The following CLSTN2 variants were observed in gnomAD, a reference collection of about 807,000 sequenced individuals.
CLSTN2 encodes calsyntenin-2.
Under a neutral mutation model 101.2 loss-of-function variants are expected in CLSTN2, and 48 were observed. The ratio of observed to expected loss-of-function variants is 0.47; its 90% CI spans 0.38 to 0.60. The LOEUF (loss-of-function observed/expected upper bound fraction) is 0.60, where lower values mean the gene tolerates loss of function less well. CLSTN2 is among the 20% of genes least tolerant of loss of function. The probability of loss-of-function intolerance (pLI) is 0.00; values close to 1 mark genes in which losing one functional copy is unlikely to be tolerated. For missense variants in CLSTN2, 1,160 were observed against 1,238.2 expected (o/e 0.94, Z 0.95); for synonymous variants, 481 against 463.6 (o/e 1.04, Z -0.48).
chr3:140,045,801 G>A (rs144994851), intron 1 of CLSTN2, among the ~76,000 whole-genome samples: 77 of 152,374 alleles, frequency 5.1e-4, no homozygotes, highest in African/African-American at 1.8e-3. Context: ...AGAGCAGGTT[G>A]TTCAGTTTCC....
intron 1 of CLSTN2, among the ~76,000 whole-genome samples, chr3:139,984,149 C>G (rs1426036): frequency 0.62 from 94,243 of 152,008 alleles, 31,109 homozygotes; most frequent in Non-Finnish European, 0.73. Context: ...GTAAGAGGGA[C>G]CTTGTGTTTG....
chr3:140,461,950 A>T (rs566037412), intron 7 of CLSTN2, among the ~76,000 whole-genome samples: 1 of 149,814 alleles, frequency 6.7e-6, no homozygotes, highest in South Asian at 2.1e-4. Context: ...AAAAAAAAAA[A>T]TCCAGAATAA....
chr3:140,225,360 C>T (rs982942822), intron 2 of CLSTN2, among the ~76,000 whole-genome samples: 2 of 152,214 alleles, frequency 1.3e-5, no homozygotes, highest in Admixed American at 6.5e-5. Flanking sequence ...TTCCATCTGA[C>T]TTGAGCTACA....
intron 5 of CLSTN2, 75 bp from the exon 6 acceptor site, chr3:140,448,444 C>T: frequency 7.9e-7 from 1 of 1,261,548 alleles, no homozygotes; most frequent in Non-Finnish European, 1.1e-6. Context: ...GGAACAAATT[C>T]ACATTTCTAA....
At chr3:140,202,437 C>T (rs1257362207) in intron 2 of CLSTN2, among the ~76,000 whole-genome samples, 2 of 152,182 alleles carry the variant, frequency 1.3e-5, no homozygotes, top group Non-Finnish European at 2.9e-5. Context: ...CAAGATTTGG[C>T]ACCTAAACAA....
At chr3:140,203,085 C>T (rs2010738615) in intron 2 of CLSTN2, among the ~76,000 whole-genome samples, 1 of 152,152 alleles carries the variant, frequency 6.6e-6, no homozygotes, top group Non-Finnish European at 1.5e-5. Flanking sequence ...ACCCTCCCCT[C>T]CCAAATTGGA....
intron 2 of CLSTN2, among the ~76,000 whole-genome samples, chr3:140,302,803 T>G (rs887357155): frequency 6.6e-5 from 10 of 151,858 alleles, no homozygotes; most frequent in South Asian, 2.1e-4. Context: ...GGTGGGAGGG[T>G]TGGAGACAGA....
intron 5 of CLSTN2, among the ~76,000 whole-genome samples, chr3:140,443,353 C>T (rs895011994): frequency 2.0e-5 from 3 of 152,226 alleles, no homozygotes; most frequent in Non-Finnish European, 4.4e-5. Flanking sequence ...AAAGCCTATG[C>T]TTTCCAGAAG....
chr3:139,987,288 A>T (rs1576387609), intron 1 of CLSTN2, among the ~76,000 whole-genome samples: 1 of 152,268 alleles, frequency 6.6e-6, no homozygotes, highest in Admixed American at 6.5e-5. Context: ...AAATGTTTAT[A>T]CCCCTGCATT....
At chr3:139,959,898 CTG>C (rs559937043) in intron 1 of CLSTN2, among the ~76,000 whole-genome samples, 67 of 152,288 alleles carry the variant, frequency 4.4e-4, no homozygotes, top group South Asian at 2.7e-3. Context: ...ATGTCTTTGA[CTG>C]AGCTAACCTT....
rs1204648351 is a variant in CLSTN2 at position 140,060,888 on chromosome 3, T to C, written c.110-115063T>C. Among the ~76,000 whole-genome samples the C allele has an allele frequency of 3.9e-5, 6 of 152,288 alleles. No homozygotes were observed. In the East Asian group the frequency reaches 1.2e-3, roughly 29 times the overall value. The stretch of plus-strand genomic sequence containing the variant: ...CTGACCATCTCTTAGGGTCAGATCT[T>C]GTGCCAAGCCAAGCAAATCCAGAGA... On this transcript the variant is annotated intron_variant, in intron 1 of 16. Coordinates refer to ENST00000458420, the MANE Select transcript of CLSTN2 (RefSeq NM_022131.3).
At chr3:140,117,009 C>G (rs1388764351) in intron 1 of CLSTN2, among the ~76,000 whole-genome samples, 1 of 152,164 alleles carries the variant, frequency 6.6e-6, no homozygotes. Context: ...TGGAGCCCCC[C>G]TTTCCCCTGC....
At chr3:140,075,828 G>A (rs912954511) in intron 1 of CLSTN2, among the ~76,000 whole-genome samples, 1 of 151,950 alleles carries the variant, frequency 6.6e-6, no homozygotes, top group Non-Finnish European at 1.5e-5. Context: ...TTGGCGGAGG[G>A]ACAGGAGGGG....
intron 2 of CLSTN2, among the ~76,000 whole-genome samples, chr3:140,391,222 C>T (rs1017812051): frequency 6.6e-6 from 1 of 152,174 alleles, no homozygotes; most frequent in South Asian, 2.1e-4. Context: ...TTAGCCTCCA[C>T]GCTGTACCAC....
At chr3:140,256,923 A>G (rs1237145289) in intron 2 of CLSTN2, among the ~76,000 whole-genome samples, 1 of 152,228 alleles carries the variant, frequency 6.6e-6, no homozygotes, top group Non-Finnish European at 1.5e-5. Context: ...TGTTTGCTCT[A>G]TGCTAACTCT....
intron 8 of CLSTN2, among the ~76,000 whole-genome samples, chr3:140,488,029 A>G (rs1159604756): frequency 6.6e-6 from 1 of 152,220 alleles, no homozygotes; most frequent in Non-Finnish European, 1.5e-5. Flanking sequence ...GCCAAGAGCA[A>G]AGATGCACAT....
At chr3:140,471,429 C>T (rs1340526111) in intron 8 of CLSTN2, among the ~76,000 whole-genome samples, 1 of 152,180 alleles carries the variant, frequency 6.6e-6, no homozygotes, top group Non-Finnish European at 1.5e-5. Context: ...CAGGTACCCC[C>T]AGCTCACATA....
At chr3:140,483,637 T>G (rs1477320603) in intron 8 of CLSTN2, among the ~76,000 whole-genome samples, 2 of 152,140 alleles carry the variant, frequency 1.3e-5, no homozygotes, top group East Asian at 1.9e-4. Flanking sequence ...CTGTATTGGG[T>G]GCATATATAT....
chr3:140,085,416 T>C (rs1016178397), intron 1 of CLSTN2, among the ~76,000 whole-genome samples: 4 of 152,170 alleles, frequency 2.6e-5, no homozygotes, highest in African/African-American at 9.7e-5. Context: ...TATAAGCTGG[T>C]ATTTAACCAC....
Sources: gnomAD v4.1 joint callset for allele counts (sites outside exome capture counted in the v4.1 genomes callset) on GRCh38, gnomAD v4.1.1 for gene constraint, MANE v1.5 for transcripts, NCBI Gene and HGNC (gene_info 2026-07-23, HGNC 2026-07-21) for gene names.